PTPRD: variants seen among roughly 807,000 people sequenced by gnomAD.
PTPRD encodes receptor-type tyrosine-protein phosphatase delta.
PTPRD carries 34 observed loss-of-function variants against 214.5 expected under a neutral mutation model. That is an observed-to-expected ratio of 0.16 (90% CI 0.12 to 0.21). PTPRD has a LOEUF of 0.21. Among genes scored for constraint, PTPRD ranks in the 10% least tolerant of loss-of-function variants. The pLI is 1.00. For synonymous variants in PTPRD, 1,128 were observed against 845.7 expected (o/e 1.33, Z -5.79); for missense variants, 2,545 against 2,398.7 (o/e 1.06, Z -1.27).
chr9:10,068,162 A>C (rs971553239), intron 3 of PTPRD, among the ~76,000 whole-genome samples: 1 of 151,966 alleles, frequency 6.6e-6, no homozygotes, highest in Non-Finnish European at 1.5e-5. Context: ...TACAAGAAAG[A>C]CAACTGGTTG....
At chr9:10,267,064 C>G (rs1263082151) in intron 3 of PTPRD, among the ~76,000 whole-genome samples, 4 of 151,708 alleles carry the variant, frequency 2.6e-5, no homozygotes, top group African/African-American at 9.7e-5. Flanking sequence ...TGGTAGCGGT[C>G]CCCTGTAATG....
At chr9:8,644,355 T>C (rs1484820155) in intron 12 of PTPRD, among the ~76,000 whole-genome samples, 12 of 152,164 alleles carry the variant, frequency 7.9e-5, no homozygotes, top group Non-Finnish European at 1.5e-4. Context: ...AGCTTTCCTA[T>C]TGCTCAATAA....
At chr9:9,224,847 T>TA (rs1351617551) in intron 9 of PTPRD, among the ~76,000 whole-genome samples, 8 of 152,002 alleles carry the variant, frequency 5.3e-5, no homozygotes, top group Non-Finnish European at 1.2e-4. Flanking sequence ...AATAAAAAGA[T>TA]ACATGGGATT....
intron 7 of PTPRD, among the ~76,000 whole-genome samples, chr9:9,632,614 TAA>T (rs373819862): frequency 5.1e-4 from 75 of 146,712 alleles, no homozygotes; most frequent in African/African-American, 1.8e-3. Flanking sequence ...GAGAGAAAGT[TAA>T]AAAAAAAAAG....
chr9:8,925,015 G>T (rs1375340993), intron 11 of PTPRD, among the ~76,000 whole-genome samples: 2 of 152,050 alleles, frequency 1.3e-5, no homozygotes, highest in Admixed American at 1.3e-4. Context: ...TAAATACTTT[G>T]AGAAGTCCTG....
rs1342376610 is a variant in PTPRD at position 8,334,473 on chromosome 9, G to C, written c.5380-2737C>G. 2.1e-5 allele frequency among the ~76,000 whole-genome samples: 3 copies of C among 143,828 alleles called. No homozygotes were observed. In the East Asian group the frequency reaches 6.1e-4, roughly 29 times the overall value. 94.4% of individuals were successfully genotyped at this position (143,828 alleles called of 152,430 possible). On this transcript the variant is annotated intron_variant, in intron 43 of 45. Coordinates refer to ENST00000381196, the MANE Select transcript of PTPRD (RefSeq NM_002839.4). ...ATAACAGAATGAAGGCAGAAATAAAGATGTTCTTTGAAGCCAATGAGAACA... is the reference window on the plus strand; with the variant it reads ...ATAACAGAATGAAGGCAGAAATAAACATGTTCTTTGAAGCCAATGAGAACA...
At chr9:9,887,429 A>G (rs2071376132) in intron 5 of PTPRD, among the ~76,000 whole-genome samples, 1 of 152,172 alleles carries the variant, frequency 6.6e-6, no homozygotes, top group South Asian at 2.1e-4. Context: ...GTGTGGCTTA[A>G]GAGGCTGCAA....
intron 10 of PTPRD, among the ~76,000 whole-genome samples, chr9:9,098,062 A>C (rs2099786197): frequency 1.3e-5 from 2 of 151,750 alleles, no homozygotes; most frequent in Non-Finnish European, 2.9e-5. Context: ...ATTTATATAT[A>C]ATCAAAGTAA....
At chr9:9,517,130 A>C (rs1041922451) in intron 8 of PTPRD, among the ~76,000 whole-genome samples, 18 of 152,164 alleles carry the variant, frequency 1.2e-4, no homozygotes, top group Non-Finnish European at 2.1e-4. Flanking sequence ...ATGCTAAATT[A>C]TGCAACATTT....
At chr9:8,623,879 G>A (rs1334875734) in intron 14 of PTPRD, among the ~76,000 whole-genome samples, 1 of 151,774 alleles carries the variant, frequency 6.6e-6, no homozygotes, top group African/African-American at 2.4e-5. Context: ...GTTGGTAACA[G>A]AAATAATCAA....
At chr9:10,198,995 A>G (rs1014358756) in intron 3 of PTPRD, among the ~76,000 whole-genome samples, 3 of 151,854 alleles carry the variant, frequency 2.0e-5, no homozygotes, top group African/African-American at 7.3e-5. Flanking sequence ...TGAGAAGACA[A>G]TCCCTTATGT....
At chr9:9,947,540 T>TAA (rs1470386965) in intron 4 of PTPRD, among the ~76,000 whole-genome samples, 1 of 31,010 alleles carries the variant, frequency 3.2e-5, no homozygotes, top group African/African-American at 1.6e-4. Flanking sequence ...ATTTTATATA[T>TAA]AATATATATA....
chr9:8,630,068 C>A lies in PTPRD; in HGVS notation c.352+3249G>T, dbSNP rs1174758436. Among the ~76,000 whole-genome samples the A allele has an allele frequency of 2.6e-5, 4 of 151,912 alleles. No homozygotes were observed. The East Asian group carries it at 7.8e-4, about 30-fold the overall frequency. ...TCCAATTAATTAGTTTCTCTAGTAG[C>A]TTGTGTGAGATAAATCAATGATCTT... On this transcript the variant is annotated intron_variant, in intron 14 of 45. Transcript: ENST00000381196.
intron 2 of PTPRD, among the ~76,000 whole-genome samples, chr9:10,580,894 A>T (rs1324163714): frequency 6.6e-6 from 1 of 152,154 alleles, no homozygotes; most frequent in East Asian, 1.9e-4. Flanking sequence ...ATAGACTTGC[A>T]TGTCTAATGA....
chr9:10,390,115 A>C (rs1403813968), intron 2 of PTPRD, among the ~76,000 whole-genome samples: 2 of 151,866 alleles, frequency 1.3e-5, no homozygotes, highest in Non-Finnish European at 2.9e-5. Flanking sequence ...TGTGTACTGT[A>C]AGGACACATA....
At chr9:10,465,582 T>G (rs575067204) in intron 2 of PTPRD, among the ~76,000 whole-genome samples, 18 of 152,312 alleles carry the variant, frequency 1.2e-4, no homozygotes, top group African/African-American at 4.1e-4. Flanking sequence ...GGTGTTATTG[T>G]AGCCATTGTA....
chr9:10,066,430 T>C (rs991518498), intron 3 of PTPRD, among the ~76,000 whole-genome samples: 1 of 151,888 alleles, frequency 6.6e-6, no homozygotes, highest in African/African-American at 2.4e-5. Context: ...ATTATAATTT[T>C]ATTTATAATT....
intron 3 of PTPRD, among the ~76,000 whole-genome samples, chr9:10,037,897 GTTC>G (rs2097217236): frequency 6.6e-6 from 1 of 151,984 alleles, no homozygotes; most frequent in Admixed American, 6.6e-5. Flanking sequence ...TAGTTATTAT[GTTC>G]TTCATTTTAT....
At position 10,248,681 on chromosome 9, in the gene PTPRD, A is replaced by C. The variant is rs530594545; in HGVS notation, c.-545+92282T>G. 4.6e-5 allele frequency among the ~76,000 whole-genome samples: 7 copies of C among 152,212 alleles called. No individual in the cohort carries two copies. The East Asian group carries it at 1.4e-3, about 30-fold the overall frequency. On this transcript the variant is annotated intron_variant, in intron 3 of 45. Coordinates refer to ENST00000381196, the MANE Select transcript of PTPRD (RefSeq NM_002839.4). ...TAAATGTCCATCATGAGGTTGCTTGAGAGATGTGAGTTCTTTAGAATACAC... is the reference window on the plus strand; with the variant it reads ...TAAATGTCCATCATGAGGTTGCTTGCGAGATGTGAGTTCTTTAGAATACAC...
Sources: gnomAD v4.1 joint callset for allele counts (sites outside exome capture counted in the v4.1 genomes callset) on GRCh38, gnomAD v4.1.1 for gene constraint, MANE v1.5 for transcripts, NCBI Gene and HGNC (gene_info 2026-07-23, HGNC 2026-07-21) for gene names.